The following RPSA2 variants were observed in gnomAD, a reference collection of about 807,000 sequenced individuals.
The protein encoded by RPSA2 is small ribosomal subunit protein uS2B.
At chr19:23,808,330 C>T in the RPSA2 span, among the ~76,000 whole-genome samples, 3 of 133,956 alleles carry the variant, frequency 2.2e-5, no homozygotes, top group Non-Finnish European at 4.6e-5. Flanking sequence ...AGTACAGTGG[C>T]ATGATCTCGG....
At chr19:23,847,119 C>A in the RPSA2 span, among the ~76,000 whole-genome samples, 1 of 151,022 alleles carries the variant, frequency 6.6e-6, no homozygotes, top group Non-Finnish European at 1.5e-5. Context: ...TCTGAAAATT[C>A]TTTTTATGCC....
At chr19:23,832,776 G>A in the RPSA2 span, 7 of 1,571,636 alleles carry the variant, frequency 4.5e-6, no homozygotes, top group Non-Finnish European at 6.1e-6. Context: ...CTCGACATAA[G>A]ATAATTCATA....
the RPSA2 span, among the ~76,000 whole-genome samples, chr19:23,870,161 T>C: frequency 6.6e-6 from 1 of 152,170 alleles, no homozygotes; most frequent in Non-Finnish European, 1.5e-5. Flanking sequence ...GGCATCATAA[T>C]TTTTGCTATT....
At chr19:23,821,024 T>C in the RPSA2 span, among the ~76,000 whole-genome samples, 3 of 152,226 alleles carry the variant, frequency 2.0e-5, no homozygotes, top group Non-Finnish European at 4.4e-5. Flanking sequence ...CTCCTGGTTC[T>C]GATTGAATTG....
the RPSA2 span, among the ~76,000 whole-genome samples, chr19:23,816,333 G>A: frequency 3.3e-5 from 5 of 152,110 alleles, no homozygotes; most frequent in South Asian, 1.0e-3. Flanking sequence ...ACAGAGTTTT[G>A]CCACACTGTC....
chr19:23,837,701 A>AT, the RPSA2 span, among the ~76,000 whole-genome samples: 2 of 151,696 alleles, frequency 1.3e-5, no homozygotes, highest in Non-Finnish European at 2.9e-5. Flanking sequence ...TAAGTATTTT[A>AT]TTTTTTTCAG....
chr19:23,835,340 GAGTA>G, the RPSA2 span, among the ~76,000 whole-genome samples: 7 of 148,758 alleles, frequency 4.7e-5, no homozygotes, highest in Admixed American at 4.7e-4. Flanking sequence ...ATAAATTATG[GAGTA>G]AGTCTGTTTG....
the RPSA2 span, among the ~76,000 whole-genome samples, chr19:23,829,284 A>G: frequency 6.6e-6 from 1 of 151,782 alleles, no homozygotes. Flanking sequence ...GTTTGCATTG[A>G]TATGCTTTCG....
At chr19:23,792,022 G>A in the RPSA2 span, among the ~76,000 whole-genome samples, 123 of 152,164 alleles carry the variant, frequency 8.1e-4, no homozygotes, top group African/African-American at 2.9e-3. Context: ...GCGCCCTGCC[G>A]ACTGATTGTT....
the RPSA2 span, among the ~76,000 whole-genome samples, chr19:23,857,210 G>T: frequency 1.3e-5 from 2 of 152,126 alleles, no homozygotes; most frequent in East Asian, 3.9e-4. Context: ...TCAAACACAC[G>T]TTTTACAATC....
At chr19:23,796,767 T>G in the RPSA2 span, among the ~76,000 whole-genome samples, 5 of 152,084 alleles carry the variant, frequency 3.3e-5, no homozygotes, top group Non-Finnish European at 7.4e-5. Flanking sequence ...TAAATATATT[T>G]TTGTGGGGTC....
the RPSA2 span, among the ~76,000 whole-genome samples, chr19:23,761,902 T>TCCTTCCTTCCTTCCCTCCTTCCTTCCC: frequency 1.6e-5 from 1 of 62,264 alleles, no homozygotes. Context: ...GGTAACGTAA[T>TCCTTCCTTCCTTCCCTCCTTCCTTCCC]TCTTTCTTTC....
At chr19:23,828,170 T>TATTC in the RPSA2 span, 1 of 621,218 alleles carries the variant, frequency 1.6e-6, no homozygotes, top group African/African-American at 1.9e-5. Flanking sequence ...AATGACTACT[T>TATTC]ATATGACCAT....
chr19:23,853,739 C>T, the RPSA2 span, among the ~76,000 whole-genome samples: 2 of 152,150 alleles, frequency 1.3e-5, no homozygotes, highest in African/African-American at 2.4e-5. Flanking sequence ...CAGCAAATCT[C>T]TACCCCAAAG....
the RPSA2 span, among the ~76,000 whole-genome samples, chr19:23,793,850 C>T: frequency 5.9e-5 from 9 of 152,248 alleles, no homozygotes; most frequent in South Asian, 1.7e-3. Flanking sequence ...AGGTGTGAGC[C>T]ATCCCGCCAG....
chr19:23,846,075 T>C, the RPSA2 span, among the ~76,000 whole-genome samples: 1 of 152,194 alleles, frequency 6.6e-6, no homozygotes, highest in Non-Finnish European at 1.5e-5. Flanking sequence ...GATGTGTCCA[T>C]CTCTTTCTAT....
chr19:23,761,921 T>TCTCTCTCTCTCTCTCTCTCTCTC, the RPSA2 span, among the ~76,000 whole-genome samples: 20 of 76,196 alleles, frequency 2.6e-4, 1 homozygote, highest in African/African-American at 5.2e-4. Context: ...TCTTTCTTTC[T>TCTCTCTCTCTCTCTCTCTCTCTC]TTTTTTTTTT....
the RPSA2 span, among the ~76,000 whole-genome samples, chr19:23,795,793 T>C: frequency 6.6e-6 from 1 of 152,222 alleles, no homozygotes; most frequent in Admixed American, 6.5e-5. Context: ...CCTTTATTTT[T>C]GAGATAGAGT....
At chr19:23,864,248 T>C in the RPSA2 span, among the ~76,000 whole-genome samples, 1 of 152,218 alleles carries the variant, frequency 6.6e-6, no homozygotes, top group East Asian at 1.9e-4. Flanking sequence ...CTGATACAAT[T>C]TTTAATTTCT....
Sources: allele counts gnomAD v4.1 joint callset (sites outside exome capture counted in the v4.1 genomes callset), GRCh38; gene constraint gnomAD v4.1.1; transcripts MANE v1.5; gene names NCBI Gene and HGNC (gene_info 2026-07-23, HGNC 2026-07-21).